ADGRB3: variants seen among roughly 807,000 people sequenced by gnomAD.
The protein encoded by ADGRB3 is brain-specific angiogenesis inhibitor 3.
A neutral mutation model predicts 193.4 loss-of-function variants in ADGRB3; 37 were observed. That is an observed-to-expected ratio of 0.19 (90% confidence interval 0.15 to 0.25). The LOEUF (loss-of-function observed/expected upper bound fraction) is 0.25, where lower values mean the gene tolerates loss of function less well. Among genes scored for constraint, ADGRB3 ranks in the 10% least tolerant of loss-of-function variants. The pLI is 1.00. For synonymous variants in ADGRB3, 690 were observed against 644.2 expected (o/e 1.07, Z -1.08); for missense variants, 1,637 against 1,852.9 (o/e 0.88, Z 2.14).
At chr6:68,793,994 T>A (rs901117388) in intron 3 of ADGRB3, among the ~76,000 whole-genome samples, 3 of 152,162 alleles carry the variant, frequency 2.0e-5, no homozygotes, top group Non-Finnish European at 4.4e-5. Flanking sequence ...GACTTTCCAC[T>A]GCTGCTTTCT....
intron 17 of ADGRB3, among the ~76,000 whole-genome samples, chr6:69,156,432 T>C (rs1333801624): frequency 6.6e-6 from 1 of 152,144 alleles, no homozygotes; most frequent in Admixed American, 6.5e-5. Context: ...GATGAGGACA[T>C]AGCAAGACGA....
chr6:68,869,597 G>A (rs960727669), intron 3 of ADGRB3, among the ~76,000 whole-genome samples: 1 of 152,036 alleles, frequency 6.6e-6, no homozygotes, highest in Admixed American at 6.6e-5. Flanking sequence ...CAATATAAGA[G>A]CAAATGTCTA....
At position 68,676,063 on chromosome 6, in the gene ADGRB3, A is replaced by G. The variant is rs1769078435; in HGVS notation, c.757+36631A>G. Among the ~76,000 whole-genome samples the G allele has an allele frequency of 2.0e-5, 3 of 152,134 alleles. No homozygotes were observed. In the South Asian group the frequency reaches 6.2e-4, roughly 31 times the overall value. On this transcript the variant is annotated intron_variant, in intron 3 of 31. Transcript: ENST00000370598. ...TAAAAAATTATTTGTATGTATTTACACAAAGTGCTTCAACTTAAATAGTAC... is the reference window on the plus strand; with the variant it reads ...TAAAAAATTATTTGTATGTATTTACGCAAAGTGCTTCAACTTAAATAGTAC...
intron 3 of ADGRB3, among the ~76,000 whole-genome samples, chr6:68,829,601 A>T (rs765289747): frequency 6.6e-6 from 1 of 152,206 alleles, no homozygotes; most frequent in Non-Finnish European, 1.5e-5. Flanking sequence ...ACTTTGAATT[A>T]TTAAATATAT....
At chr6:69,222,125 G>T (rs2127250521) in intron 17 of ADGRB3, among the ~76,000 whole-genome samples, 1 of 152,236 alleles carries the variant, frequency 6.6e-6, no homozygotes, top group African/African-American at 2.4e-5. Context: ...ACCTGGAAAT[G>T]TTATGGTGCC....
intron 10 of ADGRB3, among the ~76,000 whole-genome samples, chr6:68,988,230 C>G (rs893297515): frequency 1.3e-5 from 2 of 152,052 alleles, no homozygotes; most frequent in East Asian, 1.9e-4. Context: ...AACACAAACA[C>G]TATAGTAATA....
intron 15 of ADGRB3, among the ~76,000 whole-genome samples, chr6:69,055,895 A>T (rs1771533567): frequency 6.6e-6 from 1 of 151,818 alleles, no homozygotes; most frequent in Non-Finnish European, 1.5e-5. Flanking sequence ...AGTGGTACAG[A>T]TCTCAGCTCA....
intron 17 of ADGRB3, among the ~76,000 whole-genome samples, chr6:69,127,230 G>T (rs572312228): frequency 6.6e-6 from 1 of 152,146 alleles, no homozygotes; most frequent in Non-Finnish European, 1.5e-5. Flanking sequence ...TCTAAAAATT[G>T]TAGCCCTGAA....
intron 20 of ADGRB3, among the ~76,000 whole-genome samples, chr6:69,292,255 TA>T (rs1371520780): frequency 3.3e-5 from 5 of 152,176 alleles, no homozygotes; most frequent in African/African-American, 9.6e-5. Flanking sequence ...GATAGAAAGA[TA>T]TTTTTTTTTC....
At chr6:69,334,208 A>T (rs778331762) in intron 24 of ADGRB3, among the ~76,000 whole-genome samples, 1 of 151,934 alleles carries the variant, frequency 6.6e-6, no homozygotes, top group Non-Finnish European at 1.5e-5. Context: ...CTCATTCAAA[A>T]CTTACCCATG....
intron 11 of ADGRB3, among the ~76,000 whole-genome samples, chr6:69,007,984 G>A (rs560558654): frequency 5.3e-5 from 8 of 152,166 alleles, no homozygotes; most frequent in South Asian, 2.1e-4. Context: ...GGAACCCTGC[G>A]TCCTAACATA....
intron 3 of ADGRB3, among the ~76,000 whole-genome samples, chr6:68,885,779 T>G (rs12199028): frequency 0.14 from 20,761 of 151,884 alleles, 1,830 homozygotes; most frequent in Middle Eastern, 0.2. Context: ...GACTTTGGAG[T>G]AGGGAAATAC....
At chr6:69,049,442 A>G (rs775685999) in intron 15 of ADGRB3, 96 bp downstream of exon 15, 8 of 839,496 alleles carry the variant, frequency 9.5e-6, no homozygotes, top group Non-Finnish European at 1.5e-5. Context: ...AGCTGTGGTA[A>G]TATGAAGGGA....
chr6:68,668,031 AT>A (rs1203262589), intron 3 of ADGRB3, among the ~76,000 whole-genome samples: 4 of 151,812 alleles, frequency 2.6e-5, no homozygotes. Flanking sequence ...ATAAATGTTG[AT>A]TGTTTAAGCT....
At chr6:69,154,838 A>G (rs926833829) in intron 17 of ADGRB3, among the ~76,000 whole-genome samples, 1 of 152,252 alleles carries the variant, frequency 6.6e-6, no homozygotes, top group South Asian at 2.1e-4. Context: ...ATCTATCTAT[A>G]TATTCATTCA....
intron 17 of ADGRB3, among the ~76,000 whole-genome samples, chr6:69,089,973 A>G (rs1023923219): frequency 6.6e-6 from 1 of 152,234 alleles, no homozygotes; most frequent in African/African-American, 2.4e-5. Context: ...TTTTGCCCCC[A>G]ACTTAGAATA....
At chr6:68,782,022 C>A (rs1766863316) in intron 3 of ADGRB3, among the ~76,000 whole-genome samples, 1 of 151,564 alleles carries the variant, frequency 6.6e-6, no homozygotes, top group Non-Finnish European at 1.5e-5. Flanking sequence ...GCACAATGTG[C>A]AGGTTTGTTA....
At chr6:69,359,349 A>G (rs1769398451) in intron 28 of ADGRB3, among the ~76,000 whole-genome samples, 1 of 151,580 alleles carries the variant, frequency 6.6e-6, no homozygotes. Flanking sequence ...CTATTATATT[A>G]AGACTTTTGG....
intron 17 of ADGRB3, among the ~76,000 whole-genome samples, chr6:69,190,944 C>T (rs9354826): frequency 3.2e-5 from 4 of 126,338 alleles, no homozygotes; most frequent in African/African-American, 1.4e-4. Context: ...AGGCTATGTA[C>T]CCCAGGTTTG....
Sources: gnomAD v4.1 joint callset for allele counts (sites outside exome capture counted in the v4.1 genomes callset) on GRCh38, gnomAD v4.1.1 for gene constraint, MANE v1.5 for transcripts, NCBI Gene and HGNC (gene_info 2026-07-23, HGNC 2026-07-21) for gene names.